Variants in ADAMTS4 observed in about 807,000 individuals in gnomAD.
The protein encoded by ADAMTS4 is A disintegrin and metalloproteinase with thrombospondin motifs 4.
Under a neutral mutation model 66.7 loss-of-function variants are expected in ADAMTS4, and 38 were observed. The ratio of observed to expected loss-of-function variants is 0.57; its 90% CI spans 0.44 to 0.75. The LOEUF (loss-of-function observed/expected upper bound fraction) is 0.75. Among genes scored for constraint, ADAMTS4 ranks in the 30% least tolerant of loss-of-function variants. The pLI is 0.00. For missense variants in ADAMTS4, 1,014 were observed against 1,116.7 expected (o/e 0.91, Z 1.31); for synonymous variants, 418 against 461.5 (o/e 0.91, Z 1.21).
In ADAMTS4 at chr1:161,191,373, C is replaced by A; in HGVS notation, c.2279G>T (p.Arg760Leu). Residue 760 changes from arginine to leucine, a missense_variant, in exon 9 of 9, where the codon CGC becomes CTC. Arg to Leu is a moderately radical substitution (Grantham distance 102, BLOSUM62 -2). Transcript: ENST00000367996. Reference sequence around the variant, plus strand: ...TGAGGCTGCAGTGGCCCCGCTGTAGCGCAAGCTGACTGCCCCAGGCAGTAC... The same window carrying A: ...TGAGGCTGCAGTGGCCCCGCTGTAGAGCAAGCTGACTGCCCCAGGCAGTAC... ...DVVLPGAVSL[R>L]YSGATAASET... The A allele has an allele frequency of 6.2e-7, 1 of 1,614,038 alleles. No individual in the cohort carries two copies. Among genetic ancestry groups the A allele is most frequent in the Admixed American group, 1.7e-5 (1 of 60,030 alleles).
rs376630100 is a variant in ADAMTS4, at chr1:161,192,126, T to A, written c.2026A>T (p.Met676Leu). ...IGSKKKFDKCMVCGGDGSGCS... is the reference protein window; with the variant it reads ...IGSKKKFDKCLVCGGDGSGCS... ...CCAGAACCGTCCCCTCCGCACACCATGCACTTGTCAAACTTCTTCTTGGAG... is the reference window on the plus strand; with the variant it reads ...CCAGAACCGTCCCCTCCGCACACCAAGCACTTGTCAAACTTCTTCTTGGAG... Residue 676 changes from methionine (M) to leucine (L), a missense_variant, in exon 8 of 9, where the codon ATG becomes TTG. Physicochemically the swap from Met to Leu is conservative, Grantham distance 15. Transcript: ENST00000367996. 1.2e-6 allele frequency: 2 copies of A among 1,613,948 alleles called. No individual in the cohort carries two copies. The highest frequency in any genetic ancestry group is 3.3e-5 in the Admixed American group (2 of 59,986).
Position 161,192,183 on chromosome 1 carries a change from A to G in ADAMTS4, c.1969T>C (p.Cys657Arg). Residue 657 changes from cysteine (C) to arginine (R), a missense_variant, in exon 8 of 9, where the codon TGC becomes CGC. Transcript: ENST00000367996. ...DSSSVCVQGR[C>R]IHAGCDRIIG... ...ATGCGATCACAGCCAGCATGGATGC[A>G]TCGGCCCTGGACACAGACCGAGGAG... 1 of 1,614,158 alleles carries G rather than the reference A, an allele frequency of 6.2e-7. No individual in the cohort carries two copies. The highest frequency in any genetic ancestry group is 8.5e-7 in the Non-Finnish European group (1 of 1,180,018).
In ADAMTS4 at chr1:161,196,252, T is replaced by C; in HGVS notation, c.1009A>G (p.Thr337Ala). 6.2e-7 allele frequency: 1 copy of C among 1,613,476 alleles called. No homozygotes were observed. Among genetic ancestry groups the C allele is most frequent in the African/African-American group, 1.3e-5 (1 of 74,926 alleles). Residue 337 changes from threonine to alanine, a missense_variant, in exon 3 of 9, where the codon ACC becomes GCC. Transcript: ENST00000367996. ...CAGCTCCGAGCCGGGTCACAGACGGTGCCCACATCAGCCATACCCAGCGTG... is the reference window on the plus strand; with the variant it reads ...CAGCTCCGAGCCGGGTCACAGACGGCGCCCACATCAGCCATACCCAGCGTG... ...CDTLGMADVG[T>A]VCDPARSCAI...
chr1:161,195,973 A>G (rs1664815893), intron 3 of ADAMTS4, 198 bp downstream of exon 3: 1 of 613,526 alleles, frequency 1.6e-6, no homozygotes, highest in Admixed American at 3.4e-5. Context: ...AGAGGAGTTC[A>G]CAGTAGTTTC....
Position 161,195,510 on chromosome 1 carries a change from G to C in ADAMTS4, c.1216C>G (p.Pro406Ala). Residue 406 changes from proline to alanine, a missense_variant, in exon 4 of 9, where the codon CCC (proline) becomes GCC (alanine). Physicochemically the swap from Pro to Ala is conservative, Grantham distance 27. Coordinates refer to ENST00000367996, the MANE Select transcript of ADAMTS4 (RefSeq NM_005099.6). ...TCAGTGATGAAGCGGGCACTGCAGG[G>C]GGACCAGGGCTCCTCAGGATCCACA... ...AHVDPEEPWS[P>A]CSARFITDFL... 1 of 1,613,542 alleles carries C rather than the reference G, an allele frequency of 6.2e-7. No homozygotes were observed. Among genetic ancestry groups the C allele is most frequent in the East Asian group, 2.2e-5 (1 of 44,830 alleles).
intron 2 of ADAMTS4, 111 bp downstream of exon 2, chr1:161,196,446 G>A: frequency 1.3e-6 from 2 of 1,503,356 alleles, no homozygotes; most frequent in South Asian, 2.5e-5. Context: ...TGTGGCTGGG[G>A]CAAGGCACCA....
At chr1:161,191,762 C>T (rs1280206003) in intron 8 of ADAMTS4, among the ~76,000 whole-genome samples, 198 bp from the exon 9 acceptor site, 1 of 152,140 alleles carries the variant, frequency 6.6e-6, no homozygotes, top group East Asian at 1.9e-4. Flanking sequence ...CACCCACTGC[C>T]CCCTTATTGA....
At chr1:161,196,385 TG>T in intron 2 of ADAMTS4, 82 bp from the exon 3 acceptor site, 2 of 1,539,042 alleles carry the variant, frequency 1.3e-6, no homozygotes, top group Non-Finnish European at 1.8e-6. Flanking sequence ...CCCGGGGACC[TG>T]GGCACTGAGG....
At chr1:161,192,409 CAAT>C (rs1664705831) in intron 7 of ADAMTS4, among the ~76,000 whole-genome samples, 169 bp from the exon 8 acceptor site, 1 of 152,016 alleles carries the variant, frequency 6.6e-6, no homozygotes, top group African/African-American at 2.4e-5. Context: ...ATAATCATAA[CAAT>C]AATAATTATT....
rs1343708991 is a variant in ADAMTS4, at chr1:161,188,878, C to T, written c.*2260G>A. On this transcript the variant is annotated 3_prime_UTR_variant, in exon 9 of 9. Coordinates refer to ENST00000367996, the MANE Select transcript of ADAMTS4 (RefSeq NM_005099.6). ...GACTATAGGCACCTGTCACCATGCCCGGCTAATATATATATATATATATAT... is the reference window on the plus strand; with the variant it reads ...GACTATAGGCACCTGTCACCATGCCTGGCTAATATATATATATATATATAT... 7.7e-5 allele frequency: 4 copies of T among 51,722 alleles called. No individual in the cohort carries two copies. The highest frequency in any genetic ancestry group is 2.4e-4 in the Admixed American group (1 of 4,174). The allele number at this position is 51,722 out of a possible 1,614,324, so 3.2% of individuals were successfully genotyped here.
Position 161,191,199 on chromosome 1 carries a change from A to C in ADAMTS4, c.2453T>G (p.Leu818Arg). ...STPRPTPQDW[L>R]HRRAQILEIL... ...CTCCAGAATCTGTGCTCTTCGGTGC[A>C]GCCAGTCCTGGGGAGTGGGGCGTGG... Residue 818 changes from leucine to arginine, a missense_variant, in exon 9 of 9, where the codon CTG (leucine) becomes CGG (arginine). Physicochemically the swap from Leu to Arg is moderately radical, Grantham distance 102. Transcript: ENST00000367996. 1 of 1,602,658 alleles carries C rather than the reference A, an allele frequency of 6.2e-7. No individual in the cohort carries two copies. Among genetic ancestry groups the C allele is most frequent in the Non-Finnish European group, 8.5e-7 (1 of 1,171,370 alleles).
chr1:161,196,361 T>G, intron 2 of ADAMTS4, 58 bp from the exon 3 acceptor site: 1 of 1,551,778 alleles, frequency 6.4e-7, no homozygotes, highest in South Asian at 1.2e-5. Flanking sequence ...GTCCATTGGG[T>G]TGAGATCCAG....
At chr1:161,191,824 T>A (rs761703641) in intron 8 of ADAMTS4, among the ~76,000 whole-genome samples, 5 of 152,158 alleles carry the variant, frequency 3.3e-5, no homozygotes, top group Admixed American at 2.0e-4. Context: ...CCTACCCTCC[T>A]TCTGAGACTC....
chr1:161,184,856 C>T lies in ADAMTS4; in HGVS notation c.*6282G>A, dbSNP rs1159286763. The T allele has an allele frequency of 6.6e-6, 1 of 151,852 alleles. No homozygotes were observed. The highest frequency in any genetic ancestry group is 1.5e-5 in the Non-Finnish European group (1 of 67,968). 9.4% of individuals were successfully genotyped at this position (151,852 alleles called of 1,614,324 possible). A position where few individuals can be genotyped will look rare whatever the true frequency, so the allele number is the denominator to read the frequency against. On this transcript the variant is annotated 3_prime_UTR_variant, in exon 9 of 9. Coordinates refer to ENST00000367996, the MANE Select transcript of ADAMTS4 (RefSeq NM_005099.6). ...CAACATGGAAAACCCCGTCTCTATA[C>T]TAAAAATACAAAAAATTAGCTGGGC... is the stretch of plus-strand genomic sequence containing the variant.
At chr1:161,196,480 A>C in intron 2 of ADAMTS4, 77 bp downstream of exon 2, 2 of 1,534,654 alleles carry the variant, frequency 1.3e-6, no homozygotes, top group Non-Finnish European at 1.8e-6. Flanking sequence ...CAGGAACATC[A>C]TTTGCATCAT....
chr1:161,192,329 A>G, intron 7 of ADAMTS4, 89 bp from the exon 8 acceptor site: 1 of 1,351,546 alleles, frequency 7.4e-7, no homozygotes, highest in Non-Finnish European at 1.0e-6. Flanking sequence ...CCATCAGGGA[A>G]GCAATGTTGT....
At position 161,198,241 on chromosome 1, in the gene ADAMTS4, A is replaced by T; in HGVS notation, c.387T>A (p.Thr129=). The change falls in exon 1 of 9, where the codon ACT becomes ACA. Residue 129 remains threonine, a synonymous_variant. Coordinates refer to ENST00000367996, the MANE Select transcript of ADAMTS4 (RefSeq NM_005099.6). The surrounding 1 kb of genome is among the most constrained non-coding windows in gnomAD (Gnocchi z 4.7). ...LGGAEPGTYL[T]GTINGDPESV... The stretch of plus-strand genomic sequence containing the variant: ...ACTCCGGATCTCCATTGATGGTGCC[A>T]GTCAGGTAGGTGCCAGGCTCTGCTC... 6.2e-7 allele frequency: 1 copy of T among 1,614,050 alleles called. No individual in the cohort carries two copies.
In ADAMTS4 at chr1:161,194,143, C is replaced by A. The variant is rs148469372; in HGVS notation, c.1340G>T (p.Arg447Leu). The A allele has an allele frequency of 5.6e-5, 90 of 1,614,160 alleles. No homozygotes were observed. In the African/African-American group the frequency reaches 8.7e-4, roughly 16 times the overall value. Residue 447 changes from arginine (R) to leucine (L), a missense_variant, in exon 5 of 9, where the codon CGC becomes CTC. Coordinates refer to ENST00000367996, the MANE Select transcript of ADAMTS4 (RefSeq NM_005099.6). This position sits in a 1 kb window ranked among gnomAD's most constrained non-coding sequence, Gnocchi z 4.1. Reference sequence around the variant, plus strand: ...GGGCCCGAAGGTCAGCTGGCACTGGCGGTCAGCATCATAGTCCTTGCCAGG... The same window carrying A: ...GGGCCCGAAGGTCAGCTGGCACTGGAGGTCAGCATCATAGTCCTTGCCAGG... ...TFPGKDYDAD[R>L]QCQLTFGPDS...
In ADAMTS4 at chr1:161,191,548, C is replaced by T; in HGVS notation, c.2104G>A (p.Val702Met). The T allele has an allele frequency of 6.2e-7, 1 of 1,611,734 alleles. No individual in the cohort carries two copies. Among genetic ancestry groups the T allele is most frequent in the Non-Finnish European group, 8.5e-7 (1 of 1,178,644 alleles). ...GTGGCCCCCGCGGGGATAGTGACCA[C>T]ATTGTTGTATCCGTACCTGTGTGGA... Reference protein sequence around the residue: ...FRKFRYGYNNVVTIPAGATHI... With the variant: ...FRKFRYGYNNMVTIPAGATHI... The change falls in exon 9 of 9, where the codon GTG becomes ATG. Residue 702 changes from valine to methionine, a missense_variant. Physicochemically the swap from Val to Met is conservative, Grantham distance 21. Coordinates refer to ENST00000367996, the MANE Select transcript of ADAMTS4 (RefSeq NM_005099.6).
Sources: gnomAD v4.1 joint callset for allele counts (sites outside exome capture counted in the v4.1 genomes callset) on GRCh38, gnomAD v4.1.1 for gene constraint, Gnocchi (gnomAD v3.1) non-coding constraint, MANE v1.5 for transcripts, NCBI Gene and HGNC (gene_info 2026-07-23, HGNC 2026-07-21) for gene names.